The following PACRG variants were observed in gnomAD, a reference collection of about 807,000 sequenced individuals.
PACRG encodes the protein parkin coregulated.
PACRG carries 29 observed loss-of-function variants against 29.7 expected under a neutral mutation model. That is an observed-to-expected ratio of 0.98 (90% CI 0.73 to 1.33). The LOEUF is 1.33. PACRG is among the 40% of genes most tolerant of loss of function. PACRG has a pLI of 0.00. For synonymous variants in PACRG, 116 were observed against 118.7 expected, an observed-to-expected ratio of 0.98 and a Z score of 0.15; for missense variants, 279 against 316.2, an observed-to-expected ratio of 0.88 and a Z score of 0.89.
At chr6:163,002,177 T>C (rs899530265) in intron 2 of PACRG, among the ~76,000 whole-genome samples, 1 of 152,232 alleles carries the variant, frequency 6.6e-6, no homozygotes, top group Non-Finnish European at 1.5e-5. Context: ...CTTAGGTTGA[T>C]CTATATAACA....
At chr6:162,841,724 T>C (rs1340644098) in intron 2 of PACRG, among the ~76,000 whole-genome samples, 2 of 150,670 alleles carry the variant, frequency 1.3e-5, no homozygotes, top group African/African-American at 4.9e-5. Context: ...CTTTCTCTTG[T>C]GGGCATTTAG....
chr6:163,160,951 C>A (rs1412855946), intron 4 of PACRG, among the ~76,000 whole-genome samples: 1 of 152,180 alleles, frequency 6.6e-6, no homozygotes, highest in Non-Finnish European at 1.5e-5. Flanking sequence ...TGCTCACAAG[C>A]ACTTTATGTG....
At chr6:162,926,294 G>GA (rs1404758827) in intron 2 of PACRG, among the ~76,000 whole-genome samples, 1 of 151,508 alleles carries the variant, frequency 6.6e-6, no homozygotes, top group Non-Finnish European at 1.5e-5. Context: ...CAAAGTATTA[G>GA]AAAAAAAACT....
intron 1 of PACRG, among the ~76,000 whole-genome samples, chr6:162,810,378 C>G (rs1270435287): frequency 6.6e-6 from 1 of 152,092 alleles, no homozygotes; most frequent in Non-Finnish European, 1.5e-5. Context: ...ATGTATCAAA[C>G]ATACTGGTTT....
intron 2 of PACRG, among the ~76,000 whole-genome samples, chr6:163,012,019 A>T (rs1373704990): frequency 1.3e-5 from 2 of 152,150 alleles, no homozygotes; most frequent in Non-Finnish European, 2.9e-5. Flanking sequence ...CAGGTGTCAC[A>T]CTAACTGAGC....
intron 2 of PACRG, among the ~76,000 whole-genome samples, chr6:163,028,070 G>A (rs1410040737): frequency 1.3e-5 from 2 of 152,154 alleles, no homozygotes; most frequent in Admixed American, 6.5e-5. Flanking sequence ...CAGCCACATG[G>A]TCATGCATAC....
Position 163,113,602 on chromosome 6 carries a change from G to C in PACRG, c.613+24194G>C, listed in dbSNP as rs938358095. 4.6e-5 allele frequency among the ~76,000 whole-genome samples: 7 copies of C among 152,076 alleles called. 1 individual carries two copies. Among genetic ancestry groups the C allele is most frequent in the Middle Eastern group, 6.8e-3 (2 of 294 alleles). On this transcript the variant is annotated intron_variant, in intron 4 of 4. Coordinates refer to ENST00000366888, the MANE Select transcript of PACRG (RefSeq NM_001080379.2). ...ACAATGGGCTAATGTATTTAGCAAGGAAAAACAAAACAAACAAACAAAAAA... is the reference window on the plus strand; with the variant it reads ...ACAATGGGCTAATGTATTTAGCAAGCAAAAACAAAACAAACAAACAAAAAA...
At chr6:162,976,706 T>C (rs958414875) in intron 2 of PACRG, among the ~76,000 whole-genome samples, 1 of 152,228 alleles carries the variant, frequency 6.6e-6, no homozygotes, top group African/African-American at 2.4e-5. Context: ...CTAACTAATG[T>C]AATAAATATC....
chr6:162,943,641 A>G (rs1014222534), intron 2 of PACRG, among the ~76,000 whole-genome samples: 2 of 152,066 alleles, frequency 1.3e-5, no homozygotes, highest in Admixed American at 6.5e-5. Flanking sequence ...GCCTGAGGAC[A>G]GACTCACTTA....
chr6:163,193,895 T>G (rs1432436936), intron 4 of PACRG, among the ~76,000 whole-genome samples: 1 of 81,806 alleles, frequency 1.2e-5, no homozygotes, highest in Non-Finnish European at 3.5e-5. Flanking sequence ...TGTTTCTTTT[T>G]TTTTTTTTTT....
intron 2 of PACRG, among the ~76,000 whole-genome samples, chr6:162,881,142 A>G (rs1793803965): frequency 6.6e-6 from 1 of 152,146 alleles, no homozygotes; most frequent in African/African-American, 2.4e-5. Context: ...CTCAGTGCAT[A>G]TACTTCATTC....
intron 1 of PACRG, among the ~76,000 whole-genome samples, chr6:162,747,369 T>C (rs28514972): frequency 0.46 from 19,976 of 43,894 alleles, 5,862 homozygotes; most frequent in Middle Eastern, 0.62. Context: ...TATATACACA[T>C]ACATATATAT....
At chr6:162,816,180 C>A (rs1483190475) in intron 2 of PACRG, among the ~76,000 whole-genome samples, 1 of 151,940 alleles carries the variant, frequency 6.6e-6, no homozygotes, top group African/African-American at 2.4e-5. Flanking sequence ...ATTCAGCAAG[C>A]TAAAAAGTAA....
intron 1 of PACRG, among the ~76,000 whole-genome samples, chr6:162,759,087 A>G (rs1165618514): frequency 1.3e-5 from 2 of 152,212 alleles, no homozygotes; most frequent in Admixed American, 1.3e-4. Context: ...GATCTGAATA[A>G]AGTGGGTGGA....
intron 4 of PACRG, among the ~76,000 whole-genome samples, chr6:163,198,964 C>T (rs948128195): frequency 2.6e-5 from 4 of 152,150 alleles, no homozygotes; most frequent in Non-Finnish European, 5.9e-5. Context: ...TTCCAGGCCA[C>T]AGGAGATGAA....
intron 2 of PACRG, among the ~76,000 whole-genome samples, chr6:163,040,613 C>T (rs1334600356): frequency 6.6e-6 from 1 of 152,192 alleles, no homozygotes; most frequent in Non-Finnish European, 1.5e-5. Flanking sequence ...GCCATGGGAG[C>T]CCACCTCTTT....
intron 1 of PACRG, among the ~76,000 whole-genome samples, chr6:162,736,353 G>A (rs1165366369): frequency 6.6e-6 from 1 of 151,844 alleles, no homozygotes; most frequent in Non-Finnish European, 1.5e-5. Flanking sequence ...AATTTGATCT[G>A]GAAATGGAAT....
intron 2 of PACRG, among the ~76,000 whole-genome samples, chr6:163,026,341 T>G (rs1807128390): frequency 6.6e-6 from 1 of 152,228 alleles, no homozygotes; most frequent in South Asian, 2.1e-4. Context: ...CTTATTTATG[T>G]TTTCCCAAAA....
intron 4 of PACRG, among the ~76,000 whole-genome samples, chr6:163,171,276 A>G (rs1779070566): frequency 6.6e-6 from 1 of 152,160 alleles, no homozygotes; most frequent in African/African-American, 2.4e-5. Flanking sequence ...AAGAAAAAAA[A>G]AATCACAGAT....
Sources: allele counts gnomAD v4.1 joint callset (sites outside exome capture counted in the v4.1 genomes callset), GRCh38; gene constraint gnomAD v4.1.1; transcripts MANE v1.5; gene names NCBI Gene and HGNC (gene_info 2026-07-23, HGNC 2026-07-21).